CLUL1: variants seen among roughly 807,000 people sequenced by gnomAD.
CLUL1 encodes the protein clusterin-like protein 1.
A neutral mutation model predicts 49.4 loss-of-function variants in CLUL1; 43 were observed. The observed-to-expected ratio is 0.87, with a 90% confidence interval of 0.68 to 1.12. The LOEUF (loss-of-function observed/expected upper bound fraction) is 1.12. Among genes scored for constraint, CLUL1 ranks in the 50% most tolerant of loss-of-function variants. The probability of loss-of-function intolerance (pLI) is 0.00; values close to 1 mark genes in which losing one functional copy is unlikely to be tolerated. For synonymous variants in CLUL1, 192 were observed against 184.9 expected (o/e 1.04, Z -0.31); for missense variants, 486 against 544.4 (o/e 0.89, Z 1.07).
chr18:630,607 A>G (rs1368033775), intron 6 of CLUL1, among the ~76,000 whole-genome samples: 4 of 148,748 alleles, frequency 2.7e-5, no homozygotes, highest in Admixed American at 2.7e-4. Context: ...GCCTCGAGGA[A>G]CTGGAAATGG....
intron 6 of CLUL1, among the ~76,000 whole-genome samples, chr18:629,127 G>A (rs564150796): frequency 2.8e-4 from 43 of 152,244 alleles, no homozygotes; most frequent in Admixed American, 9.8e-4. Flanking sequence ...AGGTGCCATC[G>A]TTCCATGAAC....
At chr18:602,518 A>G (rs908611449) in intron 1 of CLUL1, among the ~76,000 whole-genome samples, 1 of 152,214 alleles carries the variant, frequency 6.6e-6, no homozygotes, top group African/African-American at 2.4e-5. Context: ...CCTGTATCCA[A>G]TAACAGACTC....
At chr18:620,685 A>C (rs532399119) in intron 4 of CLUL1, among the ~76,000 whole-genome samples, 1 of 152,232 alleles carries the variant, frequency 6.6e-6, no homozygotes, top group Non-Finnish European at 1.5e-5. Context: ...TTTAACAGCT[A>C]TAGCTTGAAT....
chr18:630,767 A>G (rs1460635446), intron 6 of CLUL1, among the ~76,000 whole-genome samples: 2 of 130,892 alleles, frequency 1.5e-5, no homozygotes, highest in Non-Finnish European at 3.1e-5. Context: ...GCTCAGTACA[A>G]CCTCCGCCTC....
intron 7 of CLUL1, among the ~76,000 whole-genome samples, chr18:633,847 G>GTGTAATCGGAATGAATCAGGGCGGAGCA (rs1567972388): frequency 5.6e-5 from 6 of 107,750 alleles, no homozygotes; most frequent in East Asian, 3.2e-4. Context: ...AGGGCGGAGC[G>GTGTAATCGGAATGAATCAGGGCGGAGCA]TGTAATCGGA....
intron 9 of CLUL1, among the ~76,000 whole-genome samples, chr18:648,351 A>G (rs1567981520): frequency 1.3e-5 from 2 of 152,200 alleles, no homozygotes; most frequent in East Asian, 3.8e-4. Context: ...ACACGAAGTG[A>G]TTTTTCACAG....
intron 8 of CLUL1, among the ~76,000 whole-genome samples, chr18:644,103 TC>T (rs1240173315): frequency 6.6e-6 from 1 of 152,240 alleles, no homozygotes; most frequent in East Asian, 1.9e-4. Context: ...ACGGTTGTGG[TC>T]CCTGGTTGTA....
intron 6 of CLUL1, among the ~76,000 whole-genome samples, chr18:630,562 C>T (rs977556296): frequency 6.6e-6 from 1 of 150,914 alleles, no homozygotes; most frequent in East Asian, 1.9e-4. Context: ...ACCTTGAAGA[C>T]AGAGGAAGGG....
chr18:642,411 G>T (rs1310378375), intron 8 of CLUL1, among the ~76,000 whole-genome samples: 1 of 152,138 alleles, frequency 6.6e-6, no homozygotes. Flanking sequence ...CAGCCTGGGC[G>T]ACAGAAGGAG....
Position 633,380 on chromosome 18 carries a change from A to G in CLUL1, c.939A>G (p.Ser313=), listed in dbSNP as rs539363694. 6.2e-7 allele frequency: 1 copy of G among 1,613,992 alleles called. No homozygotes were observed. Among genetic ancestry groups the G allele is most frequent in the African/African-American group, 1.3e-5 (1 of 75,052 alleles). ...GTGGGGAACTTGACCAGAATTTGTC[A>G]AGATGTTTCAAATTTCATGAAAAAT... is the stretch of plus-strand genomic sequence containing the variant. ...GLCGELDQNL[S]RCFKFHEKCQ... The change falls in exon 7 of 10, where the codon TCA becomes TCG. Residue 313 remains serine, a synonymous_variant. Transcript: ENST00000692774.
Position 645,577 on chromosome 18 carries a change from C to T in CLUL1, c.1397+480C>T, listed in dbSNP as rs112147747. ...TTGGGAGGCTGAGGCGGGCGGATCA[C>T]GAGGTCAGGAGATTGAGACCATCCT... On this transcript the variant is annotated intron_variant, in intron 9 of 9. Transcript: ENST00000692774. Among the ~76,000 whole-genome samples the T allele has an allele frequency of 9.0e-3, 1,364 of 151,140 alleles. 21 individuals carry two copies. Among genetic ancestry groups the T allele is most frequent in the African/African-American group, 0.031 (1,283 of 41,216 alleles).
chr18:613,221 C>T lies in CLUL1; in HGVS notation c.-13-4767C>T, dbSNP rs187985439. Reference sequence around the variant, plus strand: ...TGCTGCAATCTCAGCTCACTGCAACCTCTACCTCCCAGGTTCAAGCGATTC... The same window carrying T: ...TGCTGCAATCTCAGCTCACTGCAACTTCTACCTCCCAGGTTCAAGCGATTC... On this transcript the variant is annotated intron_variant, in intron 2 of 9. Transcript: ENST00000692774. The T allele has an allele frequency of 5.6e-4, 264 of 470,272 alleles. 3 individuals are homozygous for T. Among genetic ancestry groups the T allele is most frequent in the African/African-American group, 4.8e-3 (238 of 49,730 alleles). 29.1% of individuals were successfully genotyped at this position (470,272 alleles called of 1,614,324 possible).
chr18:629,229 T>C (rs959234634), intron 6 of CLUL1, among the ~76,000 whole-genome samples: 6 of 152,176 alleles, frequency 3.9e-5, no homozygotes, highest in African/African-American at 1.4e-4. Context: ...TGGTAGTCCA[T>C]TCTGAGGTTC....
At chr18:644,787 A>T (rs781147945) in intron 8 of CLUL1, 123 bp from the exon 9 acceptor site, 7 of 607,676 alleles carry the variant, frequency 1.2e-5, no homozygotes, top group Non-Finnish European at 1.9e-5. Context: ...AAGCCCTAGG[A>T]ATGCCAGGAC....
At position 619,194 on chromosome 18, in the gene CLUL1, A is replaced by T. The variant is rs567664982; in HGVS notation, c.107-19A>T. On this transcript the variant is annotated intron_variant, in intron 3 of 9. Transcript: ENST00000692774. ...AATCTGATCAGATCTCAAAGAAAAA[A>T]TTGCCACATGTCTTTTAGGTTTTTC... 1.2e-5 allele frequency: 20 copies of T among 1,607,192 alleles called. No individual in the cohort carries two copies. The East Asian group carries it at 3.3e-4, about 27-fold the overall frequency.
chr18:637,877 G>A (rs2074199091), intron 7 of CLUL1, among the ~76,000 whole-genome samples: 1 of 152,102 alleles, frequency 6.6e-6, no homozygotes, highest in African/African-American at 2.4e-5. Context: ...AGGAGGCTGA[G>A]GCAAGAGAAT....
intron 2 of CLUL1, among the ~76,000 whole-genome samples, chr18:608,502 A>C (rs2073044708): frequency 1.0e-5 from 1 of 100,274 alleles, no homozygotes; most frequent in Non-Finnish European, 2.0e-5. Context: ...TTTTGATTAA[A>C]ACAAACAAAC....
chr18:645,792 TAAAAAAA>T lies in CLUL1; in HGVS notation c.1397+708_1397+714del, dbSNP rs869103727. 1.7e-3 allele frequency among the ~76,000 whole-genome samples: 27 copies of T among 16,090 alleles called. 5 individuals are homozygous for T. The highest frequency in any genetic ancestry group is 2.6e-3 in the African/African-American group (10 of 3,914). 10.6% of individuals were successfully genotyped at this position (16,090 alleles called of 152,430 possible). A position where few individuals can be genotyped will look rare whatever the true frequency, so the allele number is the denominator to read the frequency against. ...CTGGGCGACAGAGCGAGACTCTGTT[TAAAAAAA>T]AAAAAAAAAAAATATATATATATAT... On this transcript the variant is annotated intron_variant, in intron 9 of 9. Coordinates refer to ENST00000692774, the MANE Select transcript of CLUL1 (RefSeq NM_001393344.1).
At chr18:616,681 C>T (rs1005512141) in intron 2 of CLUL1, 20 of 971,826 alleles carry the variant, frequency 2.1e-5, no homozygotes, top group East Asian at 1.1e-4. Flanking sequence ...ATCCCTGACA[C>T]GGATGAAAAT....
Sources: gnomAD v4.1 joint callset for allele counts (sites outside exome capture counted in the v4.1 genomes callset) on GRCh38, gnomAD v4.1.1 for gene constraint, MANE v1.5 for transcripts, NCBI Gene and HGNC (gene_info 2026-07-23, HGNC 2026-07-21) for gene names.